The following SVEP1 variants were observed in gnomAD, a reference collection of about 807,000 sequenced individuals.
SVEP1 encodes the protein sushi, von Willebrand factor type A, EGF and pentraxin domain-containing protein 1.
A neutral mutation model predicts 367.3 loss-of-function variants in SVEP1; 164 were observed. The ratio of observed to expected loss-of-function variants is 0.45; its 90% confidence interval spans 0.39 to 0.51. The LOEUF (loss-of-function observed/expected upper bound fraction) is 0.51. Among genes scored for constraint, SVEP1 ranks in the 20% least tolerant of loss-of-function variants. The pLI, the probability that SVEP1 is intolerant of heterozygous loss-of-function variation, is 0.00. For synonymous variants in SVEP1, 1,666 were observed against 1,611.6 expected, an observed-to-expected ratio of 1.03 and a Z score of -0.81; for missense variants, 4,117 against 4,425.3, an observed-to-expected ratio of 0.93 and a Z score of 1.98.
At chr9:110,390,396 TCTC>T (rs1827637222) in intron 40 of SVEP1, among the ~76,000 whole-genome samples, 3 of 143,828 alleles carry the variant, frequency 2.1e-5, no homozygotes, top group African/African-American at 7.8e-5. Context: ...TATACTTATA[TCTC>T]ACATTTTCTT....
chr9:110,445,040 T>C (rs1828568039), intron 26 of SVEP1, among the ~76,000 whole-genome samples: 1 of 152,184 alleles, frequency 6.6e-6, no homozygotes, highest in East Asian at 1.9e-4. Flanking sequence ...AGGCCAACGA[T>C]TTCAGTGGAT....
At chr9:110,453,404 A>G (rs1828726979) in intron 22 of SVEP1, among the ~76,000 whole-genome samples, 1 of 152,170 alleles carries the variant, frequency 6.6e-6, no homozygotes, top group South Asian at 2.1e-4. Flanking sequence ...TTTCTGAACT[A>G]TTTTTGTGAG....
chr9:110,536,280 C>G (rs565519517), intron 3 of SVEP1, among the ~76,000 whole-genome samples: 36 of 152,046 alleles, frequency 2.4e-4, no homozygotes, highest in Non-Finnish European at 4.3e-4. Flanking sequence ...GTTGAACCAA[C>G]CTTGCATCCC....
chr9:110,524,775 A>G (rs1288792910), intron 3 of SVEP1, among the ~76,000 whole-genome samples: 1 of 151,902 alleles, frequency 6.6e-6, no homozygotes, highest in African/African-American at 2.4e-5. Context: ...GCAGTGGCAC[A>G]ATCACAGCTC....
In SVEP1 at chr9:110,411,640, G is replaced by A. The variant is rs895008194; in HGVS notation, c.6071C>T (p.Pro2024Leu). ...QQCLAVSCDEPPIVDHASPET... is the reference protein window; with the variant it reads ...QQCLAVSCDELPIVDHASPET... ...TGGAGAGGCGTGGTCCACAATGGGT[G>A]GCTCATCACAGGAGACAGCCAGGCA... The change falls in exon 37 of 48, where the codon CCA becomes CTA. Residue 2024 changes from proline (P) to leucine (L), a missense_variant. By Grantham distance (98) the Pro-to-Leu change is moderately conservative. Coordinates refer to ENST00000374469, the MANE Select transcript of SVEP1 (RefSeq NM_153366.4). 6.2e-7 allele frequency: 1 copy of A among 1,611,892 alleles called. No individual in the cohort carries two copies. The highest frequency in any genetic ancestry group is 8.5e-7 in the Non-Finnish European group (1 of 1,179,014).
At position 110,512,910 on chromosome 9, in the gene SVEP1, T is replaced by C. The variant is rs376826453; in HGVS notation, c.1303+16A>G. On this transcript the variant is annotated intron_variant, in intron 5 of 47. Transcript: ENST00000374469. ...CAAGACAGTAAATAAACAATGTAAA[T>C]TGGCAGTTTGCATACCTCTGCAGTA... The C allele has an allele frequency of 9.3e-6, 15 of 1,613,636 alleles. No individual in the cohort carries two copies. Among genetic ancestry groups the C allele is most frequent in the Middle Eastern group, 1.6e-4 (1 of 6,084 alleles).
chr9:110,465,154 TC>T (rs1183170088), intron 18 of SVEP1, among the ~76,000 whole-genome samples: 1 of 152,014 alleles, frequency 6.6e-6, no homozygotes, highest in Non-Finnish European at 1.5e-5. Flanking sequence ...CTCAGACCCC[TC>T]CCCAGACCTA....
chr9:110,429,537 T>C (rs1588048988), intron 34 of SVEP1, among the ~76,000 whole-genome samples: 1 of 152,118 alleles, frequency 6.6e-6, no homozygotes, highest in Admixed American at 6.5e-5. Flanking sequence ...GTAGGATAGA[T>C]TTAAGAATTT....
At chr9:110,399,011 T>C (rs1827814658) in intron 40 of SVEP1, among the ~76,000 whole-genome samples, 1 of 152,136 alleles carries the variant, frequency 6.6e-6, no homozygotes, top group Non-Finnish European at 1.5e-5. Context: ...ACCCAAAGGA[T>C]TATAAATCAT....
In SVEP1 at chr9:110,431,899, T is replaced by C. The variant is rs765854570; in HGVS notation, c.5353+16A>G. On this transcript the variant is annotated intron_variant, in intron 32 of 47. Coordinates refer to ENST00000374469, the MANE Select transcript of SVEP1 (RefSeq NM_153366.4). ...GAATGGAATTAGGAACTTTTAGTTC[T>C]ACATATATTGGTTACCTGCACAGTT... is the stretch of plus-strand genomic sequence containing the variant. 1.4e-5 allele frequency: 23 copies of C among 1,613,362 alleles called. No individual in the cohort carries two copies. The South Asian group carries it at 2.5e-4, about 18-fold the overall frequency.
intron 40 of SVEP1, among the ~76,000 whole-genome samples, chr9:110,393,439 C>A (rs561908564): frequency 6.6e-6 from 1 of 152,308 alleles, no homozygotes; most frequent in African/African-American, 2.4e-5. Context: ...CAGCTCCCAG[C>A]GTGAGCGACG....
intron 1 of SVEP1, among the ~76,000 whole-genome samples, chr9:110,566,797 G>T (rs1274977084): frequency 6.6e-6 from 1 of 152,308 alleles, no homozygotes; most frequent in East Asian, 1.9e-4. Context: ...GAGAGGACAT[G>T]AATTTAAAAG....
intron 31 of SVEP1, 96 bp downstream of exon 31, chr9:110,432,366 A>C (rs1041905442): frequency 1.9e-5 from 27 of 1,448,902 alleles, no homozygotes; most frequent in Non-Finnish European, 2.3e-5. Context: ...AGATAAAGTT[A>C]ACAAAGCAAT....
In SVEP1 at chr9:110,432,034, T is replaced by A. The variant is rs778171172; in HGVS notation, c.5234A>T (p.Asp1745Val). ...SWNGVSPSCL[D>V]VDECAVGSDC... ...TGATCCAACTGCACACTCATCGACA[T>A]CTAAAATGAAGACAGCTTATAAATA... The change falls in exon 32 of 48, where the codon GAT becomes GTT. Residue 1745 changes from aspartate to valine, a missense_variant and splice_region_variant. Physicochemically the swap from Asp to Val is radical, Grantham distance 152. Transcript: ENST00000374469. 6.3e-7 allele frequency: 1 copy of A among 1,595,350 alleles called. No individual in the cohort carries two copies. The highest frequency in any genetic ancestry group is 8.5e-7 in the Non-Finnish European group (1 of 1,173,032).
intron 40 of SVEP1, among the ~76,000 whole-genome samples, chr9:110,400,142 G>A (rs1295313037): frequency 6.6e-6 from 1 of 152,136 alleles, no homozygotes; most frequent in African/African-American, 2.4e-5. Flanking sequence ...CAATGCCAAG[G>A]TATATGAGCC....
At chr9:110,499,263 G>C (rs371248967) in intron 6 of SVEP1, 25 bp from the exon 7 acceptor site, 7 of 1,575,480 alleles carry the variant, frequency 4.4e-6, no homozygotes, top group Non-Finnish European at 5.2e-6. Flanking sequence ...CAGAGAGAAT[G>C]TTATTTGTGT....
chr9:110,566,829 T>A (rs1297780611), intron 1 of SVEP1, among the ~76,000 whole-genome samples: 1 of 152,224 alleles, frequency 6.6e-6, no homozygotes, highest in Non-Finnish European at 1.5e-5. Context: ...CAGATTCTCT[T>A]CAGAACTCAC....
intron 43 of SVEP1, among the ~76,000 whole-genome samples, chr9:110,379,725 T>G (rs187052540): frequency 2.4e-4 from 36 of 152,336 alleles, no homozygotes; most frequent in Admixed American, 1.4e-3. Context: ...TTTTGTCTTC[T>G]GATTCAAATG....
chr9:110,404,688 T>TTGCACAAAATATCTACTGAGCCTTGTAA, intron 38 of SVEP1, 136 bp from the exon 39 acceptor site: 1 of 811,590 alleles, frequency 1.2e-6, no homozygotes, highest in Non-Finnish European at 2.0e-6. Context: ...AATCAATATG[T>TTGCACAAAATATCTACTGAGCCTTGTAA]CAGGCGGATG....
Sources: allele counts gnomAD v4.1 joint callset (sites outside exome capture counted in the v4.1 genomes callset), GRCh38; gene constraint gnomAD v4.1.1; transcripts MANE v1.5; gene names NCBI Gene and HGNC (gene_info 2026-07-23, HGNC 2026-07-21).